The following FILIP1L variants were observed in gnomAD, a reference collection of about 807,000 sequenced individuals.
FILIP1L encodes filamin A-interacting protein 1-like.
In FILIP1L, 55 loss-of-function variants were observed where a neutral mutation model predicts 96.6. The observed-to-expected ratio is 0.57, with a 90% CI of 0.46 to 0.71. The LOEUF is 0.71. Ranked by LOEUF, FILIP1L falls within the 30% of genes least tolerant of loss-of-function variation. The pLI is 0.00. For missense variants in FILIP1L, 1,304 were observed against 1,321.2 expected (o/e 0.99, Z 0.20); for synonymous variants, 467 against 473.9 (o/e 0.99, Z 0.19).
intron 4 of FILIP1L, among the ~76,000 whole-genome samples, chr3:99,865,203 C>T (rs1213820911): frequency 6.6e-6 from 1 of 152,128 alleles, no homozygotes; most frequent in East Asian, 1.9e-4. Context: ...GCAGGTATTA[C>T]CGTCTTCTTA....
chr3:99,838,685 C>A (rs955161572), intron 5 of FILIP1L, among the ~76,000 whole-genome samples: 1 of 152,164 alleles, frequency 6.6e-6, no homozygotes, highest in Non-Finnish European at 1.5e-5. Context: ...CAGAATCAGA[C>A]CTGTTTTCAC....
intron 4 of FILIP1L, among the ~76,000 whole-genome samples, chr3:99,877,817 A>G (rs1705586081): frequency 6.6e-6 from 1 of 152,186 alleles, no homozygotes; most frequent in Non-Finnish European, 1.5e-5. Context: ...TATGATGCAT[A>G]AACACCTGAA....
At chr3:100,022,337 T>C (rs921471327) in intron 1 of FILIP1L, among the ~76,000 whole-genome samples, 1 of 152,208 alleles carries the variant, frequency 6.6e-6, no homozygotes, top group Non-Finnish European at 1.5e-5. Context: ...ATATCAGCCC[T>C]TGGGCTTCAC....
intron 4 of FILIP1L, among the ~76,000 whole-genome samples, chr3:99,903,729 A>C (rs1278248212): frequency 1.3e-5 from 2 of 152,122 alleles, no homozygotes; most frequent in Non-Finnish European, 2.9e-5. Flanking sequence ...ACCATGAGAA[A>C]CTGGGACCCT....
At position 99,897,936 on chromosome 3, in the gene FILIP1L, A is replaced by G. The variant is rs1019219979; in HGVS notation, c.605+26294T>C. ...GAAGTTTTCCATGTTTCTCGTCACC[A>G]TGAATAATTGAGAACCAACTCTATT... On this transcript the variant is annotated intron_variant, in intron 4 of 5. Coordinates refer to ENST00000477258, the MANE Select transcript of FILIP1L (RefSeq NM_001387850.1). 2.6e-5 allele frequency among the ~76,000 whole-genome samples: 4 copies of G among 152,376 alleles called. No homozygotes were observed. In the South Asian group the frequency reaches 6.2e-4, roughly 24 times the overall value.
chr3:100,057,933 T>C (rs1221144129), intron 1 of FILIP1L, among the ~76,000 whole-genome samples: 1 of 152,216 alleles, frequency 6.6e-6, no homozygotes, highest in Non-Finnish European at 1.5e-5. Context: ...ACTGACTGTC[T>C]AAATCTTTCG....
At position 99,830,563 on chromosome 3, in the gene FILIP1L, T is replaced by G. The variant is rs1239202342; in HGVS notation, c.3424A>C (p.Lys1142Gln). Residue 1142 changes from lysine (K) to glutamine (Q), a missense_variant, in exon 6 of 6, where the codon AAA (lysine) becomes CAA (glutamine). Physicochemically the swap from Lys to Gln is moderately conservative, Grantham distance 53. Coordinates refer to ENST00000477258, the MANE Select transcript of FILIP1L (RefSeq NM_001387850.1). ...CKQRIPARIP[K>Q]PKSTGITKIS... ...TTGGTGATGCCTGTAGATTTCGGTT[T>G]AGGGATCCGTGCTGGGATTCTCTGC... is the stretch of plus-strand genomic sequence containing the variant. The G allele has an allele frequency of 4.4e-6, 2 of 456,666 alleles. No homozygotes were observed. Among genetic ancestry groups the G allele is most frequent in the Admixed American group, 4.7e-5 (2 of 42,582 alleles). The allele number at this position is 456,666 out of a possible 1,614,324, so 28.3% of individuals were successfully genotyped here. A position where few individuals can be genotyped will look rare whatever the true frequency, so the allele number is the denominator to read the frequency against.
At chr3:100,047,138 A>T (rs2065290295) in intron 1 of FILIP1L, among the ~76,000 whole-genome samples, 1 of 152,330 alleles carries the variant, frequency 6.6e-6, no homozygotes, top group Non-Finnish European at 1.5e-5. Flanking sequence ...TAAAATGGGT[A>T]TAATACTTTC....
intron 1 of FILIP1L, among the ~76,000 whole-genome samples, chr3:100,104,999 T>G (rs1483394374): frequency 6.6e-6 from 1 of 152,224 alleles, no homozygotes; most frequent in Non-Finnish European, 1.5e-5. Context: ...TTTAACTTTC[T>G]GCTCATGACA....
At chr3:100,054,391 C>T (rs564156282) in intron 1 of FILIP1L, among the ~76,000 whole-genome samples, 1 of 152,252 alleles carries the variant, frequency 6.6e-6, no homozygotes, top group African/African-American at 2.4e-5. Context: ...TTGTAGCTGG[C>T]CAGAGCTGGG....
intron 1 of FILIP1L, among the ~76,000 whole-genome samples, chr3:99,957,405 A>G (rs879827381): frequency 6.6e-6 from 1 of 152,200 alleles, no homozygotes; most frequent in Non-Finnish European, 1.5e-5. Context: ...AATAGTTGTG[A>G]TATTTTTGAA....
At chr3:99,954,160 C>A (rs755281481) in intron 1 of FILIP1L, among the ~76,000 whole-genome samples, 1 of 152,224 alleles carries the variant, frequency 6.6e-6, no homozygotes, top group African/African-American at 2.4e-5. Flanking sequence ...TATTGGTCTT[C>A]ATATTTCACA....
chr3:100,099,509 A>T (rs192235822), intron 1 of FILIP1L, among the ~76,000 whole-genome samples: 44 of 152,284 alleles, frequency 2.9e-4, no homozygotes, highest in African/African-American at 1.1e-3. Context: ...TCTAGGTGAT[A>T]TAAAAGTATT....
chr3:99,973,279 T>G (rs566229974), intron 1 of FILIP1L, among the ~76,000 whole-genome samples: 13 of 152,240 alleles, frequency 8.5e-5, no homozygotes, highest in Non-Finnish European at 1.8e-4. Context: ...TAACAAATTT[T>G]AAATATTCAT....
chr3:100,103,312 C>T (rs928390344), intron 1 of FILIP1L, among the ~76,000 whole-genome samples: 4 of 152,150 alleles, frequency 2.6e-5, no homozygotes, highest in Admixed American at 6.5e-5. Context: ...ATGCAGAACC[C>T]GAAGTCTTGA....
intron 1 of FILIP1L, among the ~76,000 whole-genome samples, chr3:100,090,804 A>G (rs2066090415): frequency 6.6e-6 from 1 of 152,196 alleles, no homozygotes; most frequent in Non-Finnish European, 1.5e-5. Context: ...CAGTGCTGAC[A>G]GGCTGACTGG....
intron 4 of FILIP1L, among the ~76,000 whole-genome samples, chr3:99,887,307 A>ATC (rs750427594): frequency 1.3e-5 from 2 of 152,136 alleles, no homozygotes; most frequent in Non-Finnish European, 2.9e-5. Flanking sequence ...TATCTGGTAG[A>ATC]TCTTCATCAG....
At chr3:99,988,668 A>G (rs148664394) in intron 1 of FILIP1L, among the ~76,000 whole-genome samples, 55 of 152,312 alleles carry the variant, frequency 3.6e-4, no homozygotes, top group African/African-American at 1.2e-3. Flanking sequence ...TGGTAGTTAG[A>G]TGATGCAAAC....
chr3:100,001,912 G>T (rs956969365), intron 1 of FILIP1L, among the ~76,000 whole-genome samples: 1 of 152,146 alleles, frequency 6.6e-6, no homozygotes, highest in African/African-American at 2.4e-5. Context: ...GACCCAACAC[G>T]GTGTCGCCTA....
Sources: allele counts gnomAD v4.1 joint callset (sites outside exome capture counted in the v4.1 genomes callset), GRCh38; gene constraint gnomAD v4.1.1; transcripts MANE v1.5; gene names NCBI Gene and HGNC (gene_info 2026-07-23, HGNC 2026-07-21).